Variants in QTMAN observed in about 807,000 individuals in gnomAD.
QTMAN encodes queuosine-tRNA mannosyltransferase.
the QTMAN span, among the ~76,000 whole-genome samples, chr2:144,245,522 C>G: frequency 6.6e-6 from 1 of 152,280 alleles, no homozygotes; most frequent in East Asian, 1.9e-4. Context: ...GGCAACGAAT[C>G]TGCTCAGAAT....
the QTMAN span, among the ~76,000 whole-genome samples, chr2:144,256,757 T>C: frequency 6.6e-6 from 1 of 152,006 alleles, no homozygotes; most frequent in Non-Finnish European, 1.5e-5. Context: ...AAATACCTAA[T>C]GCATGCAGGG....
At chr2:144,136,785 A>C in the QTMAN span, among the ~76,000 whole-genome samples, 13 of 152,128 alleles carry the variant, frequency 8.5e-5, no homozygotes, top group African/African-American at 3.1e-4. Context: ...TTTTCAATCT[A>C]ATCTATATCC....
chr2:144,067,774 T>C, the QTMAN span, among the ~76,000 whole-genome samples: 1 of 152,218 alleles, frequency 6.6e-6, no homozygotes, highest in East Asian at 1.9e-4. Flanking sequence ...AGTAACCTTC[T>C]GGTAAAACCA....
the QTMAN span, among the ~76,000 whole-genome samples, chr2:144,264,850 A>G: frequency 6.6e-6 from 1 of 152,186 alleles, no homozygotes; most frequent in Admixed American, 6.5e-5. Flanking sequence ...CCATGCTCCA[A>G]ATGTGGTCTT....
At chr2:144,133,127 ATATATATATATATATATAT>A in the QTMAN span, among the ~76,000 whole-genome samples, 46 of 42,828 alleles carry the variant, frequency 1.1e-3, 1 homozygote, top group Non-Finnish European at 4.9e-4. Context: ...ATATATATAT[ATATATATATATATATATAT>A]ATATAATATA....
chr2:144,255,856 T>C, the QTMAN span, among the ~76,000 whole-genome samples: 25 of 152,354 alleles, frequency 1.6e-4, no homozygotes, highest in South Asian at 5.2e-3. Context: ...CTTTGGTTGA[T>C]AATGATGTAT....
the QTMAN span, among the ~76,000 whole-genome samples, chr2:143,962,819 T>C: frequency 6.6e-6 from 1 of 152,176 alleles, no homozygotes; most frequent in Admixed American, 6.5e-5. Flanking sequence ...ATACATTTCC[T>C]GTGAAATGTC....
At chr2:144,122,156 A>T in the QTMAN span, among the ~76,000 whole-genome samples, 1 of 152,164 alleles carries the variant, frequency 6.6e-6, no homozygotes, top group Non-Finnish European at 1.5e-5. Flanking sequence ...ATTCCATGTA[A>T]ATCAGGTTTC....
At chr2:144,063,863 T>C in the QTMAN span, among the ~76,000 whole-genome samples, 28 of 152,272 alleles carry the variant, frequency 1.8e-4, no homozygotes, top group Middle Eastern at 3.4e-3. Context: ...TGGGTGTGCC[T>C]AATGAAAATC....
At chr2:144,088,381 A>T in the QTMAN span, among the ~76,000 whole-genome samples, 4 of 152,040 alleles carry the variant, frequency 2.6e-5, no homozygotes, top group Non-Finnish European at 4.4e-5. Context: ...AATATTGATA[A>T]AATGACCACA....
chr2:144,248,817 T>C, the QTMAN span, among the ~76,000 whole-genome samples: 422 of 152,234 alleles, frequency 2.8e-3, no homozygotes, highest in Admixed American at 4.3e-3. Context: ...ATATAAGATC[T>C]CAGGTTGGTC....
At chr2:144,121,729 A>T in the QTMAN span, among the ~76,000 whole-genome samples, 1 of 152,242 alleles carries the variant, frequency 6.6e-6, no homozygotes, top group Non-Finnish European at 1.5e-5. Context: ...GTAAGGAAAT[A>T]TTTGCGGGGC....
chr2:144,303,115 A>T, the QTMAN span, among the ~76,000 whole-genome samples: 1 of 152,212 alleles, frequency 6.6e-6, no homozygotes, highest in Non-Finnish European at 1.5e-5. Context: ...TCCAAAAAAA[A>T]AGAAAAGAAA....
chr2:144,091,028 G>C, the QTMAN span, among the ~76,000 whole-genome samples: 1 of 151,756 alleles, frequency 6.6e-6, no homozygotes, highest in Non-Finnish European at 1.5e-5. Flanking sequence ...ATAAAGAGTT[G>C]AGAAACAGAC....
the QTMAN span, among the ~76,000 whole-genome samples, chr2:144,152,777 G>A: frequency 1.3e-5 from 2 of 152,120 alleles, no homozygotes; most frequent in Non-Finnish European, 2.9e-5. Context: ...AGAAGTATAA[G>A]ATATCACCCC....
At chr2:144,293,290 A>G in the QTMAN span, among the ~76,000 whole-genome samples, 1 of 152,218 alleles carries the variant, frequency 6.6e-6, no homozygotes, top group Non-Finnish European at 1.5e-5. Context: ...CAAAGATGAG[A>G]GAGAGTGGGA....
At chr2:144,084,829 T>C in the QTMAN span, among the ~76,000 whole-genome samples, 1 of 149,450 alleles carries the variant, frequency 6.7e-6, no homozygotes, top group Non-Finnish European at 1.5e-5. Context: ...ATACATAGTA[T>C]TGCTTTCAGG....
chr2:144,136,889 C>T, the QTMAN span, among the ~76,000 whole-genome samples: 4 of 152,148 alleles, frequency 2.6e-5, no homozygotes, highest in East Asian at 7.7e-4. Flanking sequence ...ATTAATATTA[C>T]AAAATCTGTT....
the QTMAN span, among the ~76,000 whole-genome samples, chr2:143,978,208 T>C: frequency 6.6e-6 from 1 of 152,194 alleles, no homozygotes; most frequent in African/African-American, 2.4e-5. Context: ...CTTGTTATGC[T>C]CTCTCCTACT....
Sources: allele counts gnomAD v4.1 joint callset (sites outside exome capture counted in the v4.1 genomes callset), GRCh38; gene constraint gnomAD v4.1.1; transcripts MANE v1.5; gene names NCBI Gene and HGNC (gene_info 2026-07-23, HGNC 2026-07-21).